Variants in MAGI3 observed in about 807,000 individuals in gnomAD.
MAGI3 encodes the protein membrane-associated guanylate kinase, WW and PDZ domain-containing protein 3.
Under a neutral mutation model 121.8 loss-of-function variants are expected in MAGI3, and 43 were observed. The ratio of observed to expected loss-of-function variants is 0.35; its 90% CI spans 0.28 to 0.46. The LOEUF (loss-of-function observed/expected upper bound fraction) is 0.46. MAGI3 is among the 20% of genes least tolerant of loss of function. The probability of loss-of-function intolerance (pLI) is 1.00; values close to 1 mark genes in which losing one functional copy is unlikely to be tolerated. For synonymous variants in MAGI3, 553 were observed against 639.3 expected, an observed-to-expected ratio of 0.86 and a Z score of 2.04; for missense variants, 1,547 against 1,797.3, an observed-to-expected ratio of 0.86 and a Z score of 2.52.
At chr1:113,515,138 C>A (rs929595550) in intron 1 of MAGI3, among the ~76,000 whole-genome samples, 1 of 151,982 alleles carries the variant, frequency 6.6e-6, no homozygotes, top group African/African-American at 2.4e-5. Context: ...AAGGAGAAAA[C>A]CATTTCTTGA....
intron 1 of MAGI3, among the ~76,000 whole-genome samples, chr1:113,542,267 A>G (rs777722336): frequency 2.0e-4 from 31 of 152,160 alleles, no homozygotes; most frequent in Non-Finnish European, 2.9e-4. Context: ...GGTAGCATGT[A>G]TGGCATGGAT....
chr1:113,505,026 T>TG (rs1557791573), intron 1 of MAGI3, among the ~76,000 whole-genome samples: 1 of 152,104 alleles, frequency 6.6e-6, no homozygotes, highest in Admixed American at 6.5e-5. Flanking sequence ...ACCTACACAT[T>TG]TATATGTTCA....
At chr1:113,394,354 A>G (rs1399234858) in intron 1 of MAGI3, among the ~76,000 whole-genome samples, 1 of 152,118 alleles carries the variant, frequency 6.6e-6, no homozygotes, top group Non-Finnish European at 1.5e-5. Context: ...GGTTTCACCT[A>G]TTGCTTGGCT....
intron 2 of MAGI3, among the ~76,000 whole-genome samples, chr1:113,550,959 GA>G (rs757531195): frequency 1.4e-3 from 120 of 82,782 alleles, no homozygotes; most frequent in South Asian, 3.9e-3. Context: ...TCCCCAACAA[GA>G]AAAAAAAAAA....
intron 9 of MAGI3, among the ~76,000 whole-genome samples, chr1:113,641,033 T>TATATGATATATG (rs371402730): frequency 8.1e-5 from 1 of 12,370 alleles, no homozygotes; most frequent in East Asian, 4.9e-4. Context: ...ATATATATGA[T>TATATGATATATG]ATATATAATA....
chr1:113,462,151 G>A (rs1265662686), intron 1 of MAGI3, among the ~76,000 whole-genome samples: 6 of 152,196 alleles, frequency 3.9e-5, no homozygotes, highest in Non-Finnish European at 7.4e-5. Context: ...AAAGCTGTAT[G>A]ATGATTCCTC....
chr1:113,642,354 A>C lies in MAGI3; in HGVS notation c.1804A>C (p.Lys602Gln). Reference protein sequence around the residue: ...IADSPTGQKVKMILDSQWCQG... With the variant: ...IADSPTGQKVQMILDSQWCQG... The stretch of plus-strand genomic sequence containing the variant: ...TGACAGCCCTACTGGACAGAAGGTG[A>C]AAATGATACTGGATAGTCAGTGGTG... The change falls in exon 10 of 21, where the codon AAA (lysine) becomes CAA (glutamine). Residue 602 changes from lysine (K) to glutamine (Q), a missense_variant. Transcript: ENST00000307546. 1 of 1,614,192 alleles carries C rather than the reference A, an allele frequency of 6.2e-7. No individual in the cohort carries two copies. The highest frequency in any genetic ancestry group is 1.1e-5 in the South Asian group (1 of 91,086).
chr1:113,639,554 A>T (rs528385309), intron 9 of MAGI3, among the ~76,000 whole-genome samples: 8 of 151,302 alleles, frequency 5.3e-5, no homozygotes, highest in African/African-American at 1.9e-4. Context: ...GGCGCACGCC[A>T]CCATGCCTGG....
intron 11 of MAGI3, among the ~76,000 whole-genome samples, chr1:113,645,213 G>A (rs1231037232): frequency 6.6e-6 from 1 of 151,922 alleles, no homozygotes; most frequent in Non-Finnish European, 1.5e-5. Context: ...TGGTAGAGAT[G>A]GAGTTTCACT....
Position 113,685,371 on chromosome 1 carries a change from T to C in MAGI3, c.*1357T>C, listed in dbSNP as rs1451334031. ...CTGAGAATAAAACTATTTTATGGAG[T>C]GTGTGAACACACTTGTTCTGTCACC... On this transcript the variant is annotated 3_prime_UTR_variant, in exon 21 of 21. Transcript: ENST00000307546. The C allele has an allele frequency of 6.6e-6, 1 of 152,346 alleles. No homozygotes were observed. The highest frequency in any genetic ancestry group is 1.5e-5 in the Non-Finnish European group (1 of 68,048). The allele number at this position is 152,346 out of a possible 1,614,324, so 9.4% of individuals were successfully genotyped here. A position where few individuals can be genotyped will look rare whatever the true frequency, so the allele number is the denominator to read the frequency against.
intron 1 of MAGI3, among the ~76,000 whole-genome samples, chr1:113,426,490 G>C (rs772362101): frequency 5.9e-5 from 9 of 152,162 alleles, no homozygotes; most frequent in Non-Finnish European, 1.3e-4. Context: ...GCAGCATGTT[G>C]AAGTCCCCAT....
At chr1:113,518,491 T>A (rs532630328) in intron 1 of MAGI3, among the ~76,000 whole-genome samples, 23 of 152,242 alleles carry the variant, frequency 1.5e-4, no homozygotes, top group African/African-American at 5.5e-4. Context: ...CTACATATAG[T>A]ACAATAAAAG....
rs1648470101 is a variant in MAGI3 at position 113,685,127 on chromosome 1, T to C, written c.*1113T>C. On this transcript the variant is annotated 3_prime_UTR_variant, in exon 21 of 21. Transcript: ENST00000307546. ...GTAGACAGTACTTACTGGATCTTATTTAACTTTTAGCTACATTAACTAACT... is the reference window on the plus strand; with the variant it reads ...GTAGACAGTACTTACTGGATCTTATCTAACTTTTAGCTACATTAACTAACT... The C allele has an allele frequency of 6.6e-6, 1 of 152,380 alleles. No individual in the cohort carries two copies. Among genetic ancestry groups the C allele is most frequent in the Non-Finnish European group, 1.5e-5 (1 of 68,040 alleles). 9.4% of individuals were successfully genotyped at this position (152,380 alleles called of 1,614,324 possible). A position where few individuals can be genotyped will look rare whatever the true frequency, so the allele number is the denominator to read the frequency against.
At chr1:113,632,771 G>A (rs1039595375) in intron 9 of MAGI3, among the ~76,000 whole-genome samples, 8 of 152,122 alleles carry the variant, frequency 5.3e-5, no homozygotes, top group Non-Finnish European at 1.2e-4. Flanking sequence ...GCTGGAAAAA[G>A]AAGGATACTA....
chr1:113,408,366 G>A (rs1202490802), intron 1 of MAGI3, among the ~76,000 whole-genome samples: 1 of 152,212 alleles, frequency 6.6e-6, no homozygotes, highest in East Asian at 1.9e-4. Context: ...AGGGCAAACA[G>A]ATTTTTCATT....
Position 113,436,465 on chromosome 1 carries a change from G to A in MAGI3, c.316+45116G>A, listed in dbSNP as rs770730392. On this transcript the variant is annotated intron_variant, in intron 1 of 20. Transcript: ENST00000307546. Reference sequence around the variant, plus strand: ...CATGCCTAAGTGAATTTTATTCTGTGTTTTTATTTAAATGTGAATAATAAA... The same window carrying A: ...CATGCCTAAGTGAATTTTATTCTGTATTTTTATTTAAATGTGAATAATAAA... 3.2e-4 allele frequency among the ~76,000 whole-genome samples: 49 copies of A among 152,206 alleles called. 1 individual carries two copies. The highest frequency in any genetic ancestry group is 3.4e-3 in the Middle Eastern group (1 of 294).
rs78798274 is a variant in MAGI3, at chr1:113,413,281, C to G, written c.316+21932C>G. On this transcript the variant is annotated intron_variant, in intron 1 of 20. Transcript: ENST00000307546. ...TACCATGCTGTTTTGGTCACCGTAG[C>G]CTTGTAGTATAGTTTGAAGTCAGGT... Among the ~76,000 whole-genome samples the G allele has an allele frequency of 9.5e-4, 144 of 152,192 alleles. 1 individual carries two copies. Among genetic ancestry groups the G allele is most frequent in the Non-Finnish European group, 1.6e-3 (106 of 67,996 alleles).
chr1:113,394,366 G>A (rs2027536), intron 1 of MAGI3, among the ~76,000 whole-genome samples: 37,254 of 151,984 alleles, frequency 0.25, 5,203 homozygotes, highest in East Asian at 0.63. Context: ...TGCTTGGCTC[G>A]ATTAGTTACT....
At chr1:113,453,361 C>G (rs183969828) in intron 1 of MAGI3, among the ~76,000 whole-genome samples, 1 of 152,146 alleles carries the variant, frequency 6.6e-6, no homozygotes, top group African/African-American at 2.4e-5. Context: ...GTATGGAATC[C>G]TACTCGATTT....
Sources: allele counts gnomAD v4.1 joint callset (sites outside exome capture counted in the v4.1 genomes callset), GRCh38; gene constraint gnomAD v4.1.1; transcripts MANE v1.5; gene names NCBI Gene and HGNC (gene_info 2026-07-23, HGNC 2026-07-21).